SVEP1: variants seen among roughly 807,000 people sequenced by gnomAD.
The protein encoded by SVEP1 is sushi, von Willebrand factor type A, EGF and pentraxin domain containing 1.
In SVEP1, 164 loss-of-function variants were observed where a neutral mutation model predicts 367.3. The observed-to-expected ratio is 0.45, with a 90% CI of 0.39 to 0.51. The LOEUF is 0.51. SVEP1 is among the 20% of genes least tolerant of loss of function. SVEP1 has a pLI of 0.00. For missense variants in SVEP1, 4,117 were observed against 4,425.3 expected (o/e 0.93, Z 1.98); for synonymous variants, 1,666 against 1,611.6 (o/e 1.03, Z -0.81).
chr9:110,394,215 G>GCAGC (rs1827719598), intron 40 of SVEP1, among the ~76,000 whole-genome samples: 2 of 151,876 alleles, frequency 1.3e-5, no homozygotes, highest in Non-Finnish European at 2.9e-5. Flanking sequence ...CCGCTGTTCT[G>GCAGC]CACCCTCTGC....
intron 46 of SVEP1, 44 bp from the exon 47 acceptor site, chr9:110,370,060 A>G: frequency 1.3e-6 from 2 of 1,551,602 alleles, no homozygotes. Flanking sequence ...ATACTTAGCA[A>G]TTCTGATGAT....
intron 27 of SVEP1, among the ~76,000 whole-genome samples, chr9:110,437,024 C>T (rs753615212): frequency 1.3e-5 from 2 of 152,168 alleles, no homozygotes; most frequent in Non-Finnish European, 2.9e-5. Context: ...ATTCAACTTG[C>T]CTTTCTGGGT....
intron 18 of SVEP1, among the ~76,000 whole-genome samples, chr9:110,461,404 G>A (rs951370517): frequency 2.0e-5 from 3 of 152,176 alleles, no homozygotes; most frequent in East Asian, 1.9e-4. Context: ...CTGCATAAAT[G>A]TAAGTATGGA....
At chr9:110,542,328 C>G (rs1019562697) in intron 3 of SVEP1, among the ~76,000 whole-genome samples, 18 of 152,066 alleles carry the variant, frequency 1.2e-4, no homozygotes, top group Non-Finnish European at 2.5e-4. Flanking sequence ...TCAATTTCCT[C>G]TTGTAGAATG....
chr9:110,434,070 G>C (rs1828394456), intron 30 of SVEP1, among the ~76,000 whole-genome samples: 1 of 152,086 alleles, frequency 6.6e-6, no homozygotes, highest in Non-Finnish European at 1.5e-5. Context: ...ATCTATCTCT[G>C]GGCCTCTACC....
At chr9:110,431,800 T>G in intron 32 of SVEP1, 115 bp downstream of exon 32, 2 of 1,344,286 alleles carry the variant, frequency 1.5e-6, no homozygotes, top group African/African-American at 1.4e-5. Flanking sequence ...TCTGCCTACC[T>G]GTATGCCCTT....
intron 43 of SVEP1, among the ~76,000 whole-genome samples, chr9:110,382,437 G>C (rs1052802157): frequency 6.6e-6 from 1 of 152,226 alleles, no homozygotes; most frequent in East Asian, 1.9e-4. Flanking sequence ...GAAGTTTGCT[G>C]TTAGTCTGAT....
At chr9:110,456,147 A>G (rs1364686930) in intron 21 of SVEP1, among the ~76,000 whole-genome samples, 1 of 152,168 alleles carries the variant, frequency 6.6e-6, no homozygotes, top group African/African-American at 2.4e-5. Flanking sequence ...CAGGCTTTCT[A>G]TGGGCTAGCT....
intron 36 of SVEP1, among the ~76,000 whole-genome samples, chr9:110,423,493 A>G (rs1328319337): frequency 1.3e-5 from 2 of 152,240 alleles, no homozygotes; most frequent in Admixed American, 1.3e-4. Context: ...GTACATAGTG[A>G]TAAGACATTT....
rs755281761 is a variant in SVEP1, at chr9:110,429,930, C to T, written c.5605G>A (p.Val1869Met). The T allele has an allele frequency of 6.2e-7, 1 of 1,612,794 alleles. No individual in the cohort carries two copies. The highest frequency in any genetic ancestry group is 2.2e-5 in the East Asian group (1 of 44,844). The change falls in exon 34 of 48, where the codon GTG becomes ATG. Residue 1869 changes from valine to methionine, a missense_variant. Coordinates refer to ENST00000374469, the MANE Select transcript of SVEP1 (RefSeq NM_153366.4). ...EELAFTFGSK[V>M]TYRCNKGYTL... is the part of the protein sequence containing the mutation. ...ATCTTAGATACTTACCTATATGTCA[C>T]TTTGCTGCCAAAAGTAAATGCTAAC... is the stretch of plus-strand genomic sequence containing the variant.
chr9:110,402,035 G>A (rs1475169628), intron 39 of SVEP1, among the ~76,000 whole-genome samples: 6 of 152,022 alleles, frequency 3.9e-5, no homozygotes, highest in African/African-American at 1.4e-4. Flanking sequence ...TGTAAGTAAT[G>A]CCTTAATAAT....
chr9:110,467,487 G>C (rs1459759983), intron 17 of SVEP1, among the ~76,000 whole-genome samples: 1 of 152,186 alleles, frequency 6.6e-6, no homozygotes, highest in Non-Finnish European at 1.5e-5. Context: ...CCCCAGTGTT[G>C]GAAGTGGGGC....
intron 40 of SVEP1, among the ~76,000 whole-genome samples, chr9:110,397,816 C>T (rs1588033022): frequency 6.6e-6 from 1 of 152,148 alleles, no homozygotes; most frequent in African/African-American, 2.4e-5. Context: ...AGGAGAACTA[C>T]AAACCACTGC....
At chr9:110,463,266 A>C (rs918093163) in intron 18 of SVEP1, among the ~76,000 whole-genome samples, 1 of 152,100 alleles carries the variant, frequency 6.6e-6, no homozygotes, top group African/African-American at 2.4e-5. Context: ...TTCTGATAAA[A>C]ATCATTTTTA....
At chr9:110,506,852 G>T (rs150264455) in intron 5 of SVEP1, among the ~76,000 whole-genome samples, 3 of 152,180 alleles carry the variant, frequency 2.0e-5, no homozygotes, top group African/African-American at 7.2e-5. Context: ...AGATGAAGAG[G>T]AGAGGAGAGG....
chr9:110,431,440 T>A (rs1305497321), intron 32 of SVEP1, among the ~76,000 whole-genome samples: 1 of 152,170 alleles, frequency 6.6e-6, no homozygotes, highest in East Asian at 1.9e-4. Flanking sequence ...TGAGAGATGA[T>A]CTGGTATTAT....
At position 110,407,803 on chromosome 9, in the gene SVEP1, T is replaced by C. The variant is rs1269846445; in HGVS notation, c.7797A>G (p.Ser2599=). 6.2e-7 allele frequency: 1 copy of C among 1,613,924 alleles called. No individual in the cohort carries two copies. The highest frequency in any genetic ancestry group is 8.5e-7 in the Non-Finnish European group (1 of 1,179,900). The change falls in exon 38 of 48, where the codon TCA becomes TCG. Residue 2599 remains serine, a synonymous_variant. Coordinates refer to ENST00000374469, the MANE Select transcript of SVEP1 (RefSeq NM_153366.4). ...ATGTTGGGATGGAACTTGACCATCCTGACTCTTCACAGGTCTGCATGGCAT... is the reference window on the plus strand; with the variant it reads ...ATGTTGGGATGGAACTTGACCATCCCGACTCTTCACAGGTCTGCATGGCAT... ...AGHAMQTCEE[S]GWSSSIPTCM... is the part of the protein sequence containing the mutation.
chr9:110,483,801 C>T (rs1829235766), intron 9 of SVEP1, 108 bp from the exon 10 acceptor site: 1 of 699,998 alleles, frequency 1.4e-6, no homozygotes. Flanking sequence ...CAGCCTTGAG[C>T]TTGCAAGAAA....
At chr9:110,467,043 C>T (rs928790267) in intron 17 of SVEP1, among the ~76,000 whole-genome samples, 1 of 152,086 alleles carries the variant, frequency 6.6e-6, no homozygotes, top group African/African-American at 2.4e-5. Flanking sequence ...ACATGTTTAG[C>T]GCATTTCCAA....
Sources: gnomAD v4.1 joint callset for allele counts (sites outside exome capture counted in the v4.1 genomes callset) on GRCh38, gnomAD v4.1.1 for gene constraint, MANE v1.5 for transcripts, NCBI Gene and HGNC (gene_info 2026-07-23, HGNC 2026-07-21) for gene names.